Variants in GRIK1 observed in about 807,000 individuals in gnomAD.
GRIK1 encodes the protein glutamate ionotropic receptor kainate type subunit 1, also known as glutamate receptor ionotropic, kainate 1.
GRIK1 carries 69 observed loss-of-function variants against 105.7 expected under a neutral mutation model. The observed-to-expected ratio is 0.65, with a 90% confidence interval of 0.54 to 0.80. The LOEUF is 0.80. GRIK1 is among the 30% of genes least tolerant of loss of function. The pLI, the probability that GRIK1 is intolerant of heterozygous loss-of-function variation, is 0.00. For missense variants in GRIK1, 1,109 were observed against 1,167.3 expected, an observed-to-expected ratio of 0.95 and a Z score of 0.73; for synonymous variants, 438 against 431.3, an observed-to-expected ratio of 1.02 and a Z score of -0.19.
chr21:29,607,959 A>G (rs1281656549), intron 7 of GRIK1, among the ~76,000 whole-genome samples: 1 of 152,162 alleles, frequency 6.6e-6, no homozygotes, highest in Non-Finnish European at 1.5e-5. Context: ...CCATGTTTCT[A>G]TTACGTTTCA....
At chr21:29,909,865 C>T (rs17789546) in intron 1 of GRIK1, among the ~76,000 whole-genome samples, 5,811 of 152,130 alleles carry the variant, frequency 0.038, 151 homozygotes, top group Non-Finnish European at 0.059. Context: ...AATTACATGA[C>T]GAGTATAACT....
At position 29,711,450 on chromosome 21, in the gene GRIK1, G is replaced by A. The variant is rs190470824; in HGVS notation, c.119-17387C>T. On this transcript the variant is annotated intron_variant, in intron 1 of 17. Coordinates refer to ENST00000327783, the MANE Select transcript of GRIK1 (RefSeq NM_001330994.2). ...ATGCATTTTTCCAGAATATAGACAT[G>A]ACTGTATTTTTCCAGACAATAACAA... Among the ~76,000 whole-genome samples, 455 of 152,054 alleles carry A rather than the reference G, an allele frequency of 3.0e-3. 3 individuals carry two copies. Among genetic ancestry groups the A allele is most frequent in the Non-Finnish European group, 2.4e-3 (166 of 67,968 alleles).
chr21:29,789,072 T>C (rs2066340383), intron 1 of GRIK1, among the ~76,000 whole-genome samples: 1 of 152,238 alleles, frequency 6.6e-6, no homozygotes, highest in African/African-American at 2.4e-5. Context: ...CCATTGGAAG[T>C]GGCTATGTTA....
chr21:29,821,901 G>T (rs2067317093), intron 1 of GRIK1, among the ~76,000 whole-genome samples: 2 of 151,818 alleles, frequency 1.3e-5, no homozygotes, highest in South Asian at 4.2e-4. Context: ...ATACTTGTAG[G>T]CTATGCAATT....
intron 12 of GRIK1, among the ~76,000 whole-genome samples, chr21:29,586,618 AAGAT>A: frequency 6.6e-6 from 1 of 152,360 alleles, no homozygotes; most frequent in East Asian, 1.9e-4. Flanking sequence ...AGCCAACAGA[AAGAT>A]AAAATAACTG....
chr21:29,613,453 G>A (rs1185449756), intron 7 of GRIK1, among the ~76,000 whole-genome samples: 2 of 152,150 alleles, frequency 1.3e-5, no homozygotes, highest in East Asian at 3.8e-4. Flanking sequence ...CACTGGAAAA[G>A]GGCTCAAAGC....
intron 4 of GRIK1, among the ~76,000 whole-genome samples, chr21:29,661,162 A>T (rs2062954209): frequency 6.6e-6 from 1 of 152,240 alleles, no homozygotes; most frequent in African/African-American, 2.4e-5. Flanking sequence ...TTGAATGATT[A>T]TAGCTTACAT....
intron 1 of GRIK1, among the ~76,000 whole-genome samples, chr21:29,832,295 G>A (rs1048809662): frequency 7.9e-5 from 12 of 152,080 alleles, no homozygotes; most frequent in South Asian, 2.1e-4. Flanking sequence ...CTACCATTCC[G>A]AGGTCTGGAG....
At chr21:29,624,947 TTTC>T (rs768947870) in intron 7 of GRIK1, among the ~76,000 whole-genome samples, 27 of 152,344 alleles carry the variant, frequency 1.8e-4, no homozygotes, top group Admixed American at 9.8e-4. Flanking sequence ...GATCCAGGCC[TTTC>T]TTCTTCCCTT....
rs191504603 is a variant in GRIK1 at position 29,584,761 on chromosome 21, T to C, written c.1793+2605A>G. ...AAATTTACTGTTTTTCATGTCCACTTCCCTAACTTGGAATGCAAACCACTA... is the reference window on the plus strand; with the variant it reads ...AAATTTACTGTTTTTCATGTCCACTCCCCTAACTTGGAATGCAAACCACTA... On this transcript the variant is annotated intron_variant, in intron 12 of 17. Coordinates refer to ENST00000327783, the MANE Select transcript of GRIK1 (RefSeq NM_001330994.2). Among the ~76,000 whole-genome samples the C allele has an allele frequency of 9.5e-4, 145 of 152,274 alleles. 1 individual carries two copies. Among genetic ancestry groups the C allele is most frequent in the Non-Finnish European group, 5.9e-5 (4 of 68,022 alleles).
chr21:29,673,798 TA>T (rs529424691), intron 3 of GRIK1, among the ~76,000 whole-genome samples: 1 of 152,162 alleles, frequency 6.6e-6, no homozygotes, highest in Non-Finnish European at 1.5e-5. Flanking sequence ...ATTAAGATCA[TA>T]AAAGCAGAAA....
chr21:29,584,924 T>C (rs2091097823), intron 12 of GRIK1, among the ~76,000 whole-genome samples: 1 of 152,176 alleles, frequency 6.6e-6, no homozygotes, highest in Non-Finnish European at 1.5e-5. Context: ...TTAGTGGCTT[T>C]ATGAAGCAGA....
rs561554408 is a variant in GRIK1 at position 29,918,181 on chromosome 21, T to C, written c.118+21202A>G. On this transcript the variant is annotated intron_variant, in intron 1 of 17. Transcript: ENST00000327783. Reference sequence around the variant, plus strand: ...TGTTGACAGGAGTTACTACTTAGAATTACTAAGAAAATTTTAAAAATCCAA... The same window carrying C: ...TGTTGACAGGAGTTACTACTTAGAACTACTAAGAAAATTTTAAAAATCCAA... Among the ~76,000 whole-genome samples the C allele has an allele frequency of 3.9e-5, 6 of 152,146 alleles. No individual in the cohort carries two copies. In the South Asian group the frequency reaches 1.2e-3, roughly 32 times the overall value.
At chr21:29,666,221 T>G (rs1250965890) in intron 4 of GRIK1, among the ~76,000 whole-genome samples, 1 of 152,222 alleles carries the variant, frequency 6.6e-6, no homozygotes, top group African/African-American at 2.4e-5. Flanking sequence ...CTGACCAACA[T>G]AGAGAAACCC....
chr21:29,830,649 T>A (rs542131139), intron 1 of GRIK1, among the ~76,000 whole-genome samples: 2 of 152,226 alleles, frequency 1.3e-5, no homozygotes, highest in South Asian at 4.1e-4. Flanking sequence ...TTTCATTGTG[T>A]CCTAGGAAGT....
intron 1 of GRIK1, among the ~76,000 whole-genome samples, chr21:29,733,216 G>C (rs184266968): frequency 6.6e-6 from 1 of 152,148 alleles, no homozygotes; most frequent in East Asian, 1.9e-4. Context: ...ACCAACATAG[G>C]AGAGCCTTAT....
At chr21:29,560,348 TTTC>T (rs1568813171) in intron 15 of GRIK1, among the ~76,000 whole-genome samples, 1 of 101,248 alleles carries the variant, frequency 9.9e-6, no homozygotes, top group African/African-American at 4.3e-5. Flanking sequence ...TCTTTCTTTC[TTTC>T]TTTCTTTTTC....
intron 16 of GRIK1, among the ~76,000 whole-genome samples, chr21:29,547,932 T>G (rs1255690838): frequency 2.0e-5 from 3 of 152,224 alleles, no homozygotes; most frequent in Non-Finnish European, 4.4e-5. Context: ...GGTTATCAAA[T>G]GACAGTAATT....
chr21:29,620,665 A>T (rs998251523), intron 7 of GRIK1, among the ~76,000 whole-genome samples: 7 of 150,960 alleles, frequency 4.6e-5, no homozygotes, highest in African/African-American at 1.7e-4. Flanking sequence ...AGGAAAAAAA[A>T]AAAGCTGTGA....
Sources: allele counts gnomAD v4.1 joint callset (sites outside exome capture counted in the v4.1 genomes callset), GRCh38; gene constraint gnomAD v4.1.1; transcripts MANE v1.5; gene names NCBI Gene and HGNC (gene_info 2026-07-23, HGNC 2026-07-21).